The following PPP1R8 variants were observed in gnomAD, a reference collection of about 807,000 sequenced individuals.
PPP1R8 encodes nuclear inhibitor of protein phosphatase 1.
Under a neutral mutation model 31.3 loss-of-function variants are expected in PPP1R8, and 4 were observed. The observed-to-expected ratio is 0.13, with a 90% CI of 0.06 to 0.29. The LOEUF is 0.29. PPP1R8 is among the 10% of genes least tolerant of loss of function. The pLI is 1.00. For synonymous variants in PPP1R8, 170 were observed against 169.7 expected (o/e 1.00, Z -0.01); for missense variants, 254 against 440.1 (o/e 0.58, Z 3.78).
At chr1:27,843,917 C>T (rs553320142) in intron 5 of PPP1R8, among the ~76,000 whole-genome samples, 1 of 152,354 alleles carries the variant, frequency 6.6e-6, no homozygotes, top group Admixed American at 6.5e-5. Context: ...TGTGCCACTG[C>T]ACTCCCACCT....
In PPP1R8 at chr1:27,850,583, T is replaced by A; in HGVS notation, c.*137T>A. 1 of 779,798 alleles carries A rather than the reference T, an allele frequency of 1.3e-6. No individual in the cohort carries two copies. Among genetic ancestry groups the A allele is most frequent in the Non-Finnish European group, 2.0e-6 (1 of 499,436 alleles). The allele number at this position is 779,798 out of a possible 1,614,324, so 48.3% of individuals were successfully genotyped here. On this transcript the variant is annotated 3_prime_UTR_variant, in exon 7 of 7. Coordinates refer to ENST00000311772, the MANE Select transcript of PPP1R8 (RefSeq NM_014110.5). ...AATGTCTCCTGGCATCCTAACCATGTAATATGACAATTGGGGGTGGGGTTG... is the reference window on the plus strand; with the variant it reads ...AATGTCTCCTGGCATCCTAACCATGAAATATGACAATTGGGGGTGGGGTTG...
chr1:27,843,212 C>T lies in PPP1R8; in HGVS notation c.519C>T (p.His173=). The change falls in exon 5 of 7, where the codon CAC becomes CAT. Residue 173 remains histidine, a synonymous_variant. Transcript: ENST00000311772. ...ACCTGACAGAGTTCAACACTGCCCA[C>T]AACAAGCGGATTTCTACCCTTACCA... The part of the protein sequence containing the change: ...LDNLTEFNTA[H]NKRISTLTIE... 6.2e-7 allele frequency: 1 copy of T among 1,614,120 alleles called. No individual in the cohort carries two copies. The highest frequency in any genetic ancestry group is 8.5e-7 in the Non-Finnish European group (1 of 1,180,014).
chr1:27,845,038 A>G (rs1443952814), intron 5 of PPP1R8, among the ~76,000 whole-genome samples: 2 of 141,990 alleles, frequency 1.4e-5, no homozygotes, highest in African/African-American at 5.2e-5. Flanking sequence ...CGGCCTGACA[A>G]ATTTCTTAAG....
At chr1:27,837,762 G>A (rs1205628806) in intron 2 of PPP1R8, among the ~76,000 whole-genome samples, 4 of 146,182 alleles carry the variant, frequency 2.7e-5, no homozygotes, top group Non-Finnish European at 6.0e-5. Flanking sequence ...GCGACAGAGC[G>A]AGACTTAGTC....
intron 1 of PPP1R8, chr1:27,831,334 G>A (rs1275693471): frequency 3.3e-5 from 33 of 991,884 alleles, no homozygotes; most frequent in Admixed American, 5.8e-5. Flanking sequence ...TCCCTCGTGC[G>A]GCACTTGTCT....
At chr1:27,842,376 TAAG>T (rs1458346055) in intron 4 of PPP1R8, among the ~76,000 whole-genome samples, 4 of 151,912 alleles carry the variant, frequency 2.6e-5, no homozygotes, top group Admixed American at 6.6e-5. Context: ...ATTTTACAAT[TAAG>T]AAGTCGTTTT....
At chr1:27,847,717 G>A (rs1453577588) in intron 6 of PPP1R8, among the ~76,000 whole-genome samples, 1 of 151,748 alleles carries the variant, frequency 6.6e-6, no homozygotes, top group Non-Finnish European at 1.5e-5. Flanking sequence ...GTGACAGAGC[G>A]AGACTCCATC....
intron 3 of PPP1R8, among the ~76,000 whole-genome samples, chr1:27,840,773 TCACTGTAA>T (rs2089214958): frequency 6.6e-6 from 1 of 152,194 alleles, no homozygotes; most frequent in African/African-American, 2.4e-5. Context: ...AGTTTCCTTC[TCACTGTAA>T]CACATGATGG....
chr1:27,840,320 C>T (rs2089210897), intron 3 of PPP1R8, among the ~76,000 whole-genome samples: 2 of 152,326 alleles, frequency 1.3e-5, no homozygotes, highest in Middle Eastern at 6.8e-3. Context: ...ACTCACACAT[C>T]ACCCTAATCT....
At chr1:27,849,135 G>A (rs576172023) in intron 6 of PPP1R8, among the ~76,000 whole-genome samples, 24 of 152,290 alleles carry the variant, frequency 1.6e-4, no homozygotes, top group Non-Finnish European at 2.9e-4. Context: ...ACTTTGGGAG[G>A]CCGAGGCGGG....
At chr1:27,840,957 C>G in intron 3 of PPP1R8, 57 bp from the exon 4 acceptor site, 1 of 1,567,250 alleles carries the variant, frequency 6.4e-7, no homozygotes, top group Admixed American at 1.7e-5. Context: ...ACTCTTCCTT[C>G]TAAAACTCAG....
intron 5 of PPP1R8, among the ~76,000 whole-genome samples, chr1:27,846,436 G>A (rs2089281516): frequency 6.6e-6 from 1 of 152,228 alleles, no homozygotes; most frequent in Non-Finnish European, 1.5e-5. Flanking sequence ...TGTAGACGGG[G>A]GCATCAGAGC....
rs1434614094 is a variant in PPP1R8 at position 27,832,641 on chromosome 1, G to A, written c.57-115G>A. On this transcript the variant is annotated intron_variant, in intron 1 of 6. Coordinates refer to ENST00000311772, the MANE Select transcript of PPP1R8 (RefSeq NM_014110.5). Reference sequence around the variant, plus strand: ...AGTGAAGTGGATGACATTTCTGCTTGAACATGAACTAATTATAGGCTGGTA... The same window carrying A: ...AGTGAAGTGGATGACATTTCTGCTTAAACATGAACTAATTATAGGCTGGTA... The A allele has an allele frequency of 5.2e-6, 4 of 771,324 alleles. No homozygotes were observed. In the African/African-American group the frequency reaches 5.4e-5, roughly 10 times the overall value. The allele number at this position is 771,324 out of a possible 1,614,324, so 47.8% of individuals were successfully genotyped here.
At chr1:27,835,787 C>T (rs528502109) in intron 2 of PPP1R8, among the ~76,000 whole-genome samples, 8 of 152,290 alleles carry the variant, frequency 5.3e-5, no homozygotes, top group African/African-American at 1.7e-4. Flanking sequence ...CTAACCCGGC[C>T]CACAAGTATC....
Position 27,850,109 on chromosome 1 carries a change from G to T in PPP1R8, c.719G>T (p.Gly240Val). The change falls in exon 7 of 7, where the codon GGC becomes GTC. Residue 240 changes from glycine (G) to valine (V), a missense_variant. Physicochemically the swap from Gly to Val is moderately radical, Grantham distance 109. Transcript: ENST00000311772. ...GAACTGTAGAAGAAGCGTGTGGAGG[G>T]CCCTGGCTCCCTGGGCCTGGAGGAA... ...VVPVKKKRVEGPGSLGLEESG... is the reference protein window; with the variant it reads ...VVPVKKKRVEVPGSLGLEESG... 1.9e-6 allele frequency: 3 copies of T among 1,581,336 alleles called. No individual in the cohort carries two copies. The highest frequency in any genetic ancestry group is 1.7e-6 in the Non-Finnish European group (2 of 1,161,908).
chr1:27,833,132 G>C (rs17162839), intron 2 of PPP1R8, among the ~76,000 whole-genome samples: 273 of 152,246 alleles, frequency 1.8e-3, no homozygotes, highest in African/African-American at 5.2e-3. Context: ...TGTGTAAACC[G>C]TGCAAGGTAT....
chr1:27,850,023 T>C, intron 6 of PPP1R8, 70 bp from the exon 7 acceptor site: 1 of 1,402,470 alleles, frequency 7.1e-7, no homozygotes, highest in Middle Eastern at 2.2e-4. Context: ...TAGAAAAAGC[T>C]AACCACTCTT....
In PPP1R8 at chr1:27,832,468, CTA is replaced by C. The variant is rs2089120016; in HGVS notation, c.57-286_57-285del. On this transcript the variant is annotated intron_variant, in intron 1 of 6. Coordinates refer to ENST00000311772, the MANE Select transcript of PPP1R8 (RefSeq NM_014110.5). ...ACCCCAGCTATCGTACTTGCACTCT[CTA>C]TGCAGTTCTTTCTCTGAGGTGAAGA... Among the ~76,000 whole-genome samples the C allele has an allele frequency of 2.6e-5, 4 of 152,194 alleles. No homozygotes were observed. In the South Asian group the frequency reaches 6.2e-4, roughly 24 times the overall value.
intron 5 of PPP1R8, among the ~76,000 whole-genome samples, chr1:27,843,641 CA>C (rs67039473): frequency 1.0e-3 from 149 of 145,284 alleles, no homozygotes; most frequent in Middle Eastern, 3.4e-3. Context: ...GCCTAGGTGA[CA>C]AAAAAAAAAG....
Sources: gnomAD v4.1 joint callset for allele counts (sites outside exome capture counted in the v4.1 genomes callset) on GRCh38, gnomAD v4.1.1 for gene constraint, MANE v1.5 for transcripts, NCBI Gene and HGNC (gene_info 2026-07-23, HGNC 2026-07-21) for gene names.